KIRREL3: variants seen among roughly 807,000 people sequenced by gnomAD.
KIRREL3 encodes kirre like nephrin family adhesion molecule 3, also known as kin of IRRE-like protein 3.
A neutral mutation model predicts 89.7 loss-of-function variants in KIRREL3; 36 were observed. The ratio of observed to expected loss-of-function variants is 0.40; its 90% CI spans 0.31 to 0.53. The LOEUF is 0.53. Among genes scored for constraint, KIRREL3 ranks in the 20% least tolerant of loss-of-function variants. KIRREL3 has a pLI of 0.49. For missense variants in KIRREL3, 864 were observed against 1,056.6 expected, an observed-to-expected ratio of 0.82 and a Z score of 2.53; for synonymous variants, 445 against 441.4, an observed-to-expected ratio of 1.01 and a Z score of -0.10.
At chr11:126,941,250 TA>T (rs1262763996) in intron 1 of KIRREL3, among the ~76,000 whole-genome samples, 1 of 150,298 alleles carries the variant, frequency 6.7e-6, no homozygotes, top group Non-Finnish European at 1.5e-5. Flanking sequence ...GCAGTTATAG[TA>T]AAAACAAACA....
Position 126,797,565 on chromosome 11 carries a change from T to A in KIRREL3, c.55+202890A>T, listed in dbSNP as rs1950853353. 6.6e-6 allele frequency among the ~76,000 whole-genome samples: 1 copy of A among 152,112 alleles called. No homozygotes were observed. Among genetic ancestry groups the A allele is most frequent in the Non-Finnish European group, 1.5e-5 (1 of 68,026 alleles). ...GGGGCACTAGAGTTTTATTAGTGGC[T>A]TACCATGGCACTTAGTCCCAATCTA... On this transcript the variant is annotated intron_variant, in intron 1 of 16. Coordinates refer to ENST00000525144, the MANE Select transcript of KIRREL3 (RefSeq NM_032531.4). This position sits in a 1 kb window ranked among gnomAD's most constrained non-coding sequence, Gnocchi z 4.9.
In KIRREL3 at chr11:126,891,170, G is replaced by A. The variant is rs1012324101; in HGVS notation, c.55+109285C>T. 1.6e-4 allele frequency among the ~76,000 whole-genome samples: 24 copies of A among 152,108 alleles called. No homozygotes were observed. The highest frequency in any genetic ancestry group is 5.8e-4 in the African/African-American group (24 of 41,406). ...GTTTGAAGTGTACATAAGCCACAGT[G>A]GAAACATCTGAGAAGCGTCCCAAGA... On this transcript the variant is annotated intron_variant, in intron 1 of 16. Transcript: ENST00000525144. The surrounding 1 kb of genome is among the most constrained non-coding windows in gnomAD (Gnocchi z 5.1).
intron 1 of KIRREL3, among the ~76,000 whole-genome samples, chr11:126,762,775 C>T (rs1565710807): frequency 6.6e-6 from 1 of 152,170 alleles, no homozygotes; most frequent in Non-Finnish European, 1.5e-5. Flanking sequence ...TGGAGATCTT[C>T]AGTGGAATAC....
At chr11:126,502,036 T>A (rs181135888) in intron 4 of KIRREL3, among the ~76,000 whole-genome samples, 1 of 151,872 alleles carries the variant, frequency 6.6e-6, no homozygotes, top group South Asian at 2.1e-4. Context: ...AAATCAGAAT[T>A]TTTTTTTAAT....
rs1000903638 is a variant in KIRREL3 at position 126,876,579 on chromosome 11, C to T, written c.55+123876G>A. Reference sequence around the variant, plus strand: ...TTGAGATGGAGTCTTGCTCTGTCACCCAGGCTGGAGTGCAGCGGTGCGACC... The same window carrying T: ...TTGAGATGGAGTCTTGCTCTGTCACTCAGGCTGGAGTGCAGCGGTGCGACC... On this transcript the variant is annotated intron_variant, in intron 1 of 16. Transcript: ENST00000525144. The surrounding 1 kb of genome is among the most constrained non-coding windows in gnomAD (Gnocchi z 4.1). Among the ~76,000 whole-genome samples, 8 of 151,464 alleles carry T rather than the reference C, an allele frequency of 5.3e-5. No individual in the cohort carries two copies. The highest frequency in any genetic ancestry group is 1.2e-4 in the Non-Finnish European group (8 of 67,906).
intron 6 of KIRREL3, among the ~76,000 whole-genome samples, chr11:126,457,356 T>TC (rs1956397269): frequency 3.2e-5 from 3 of 94,380 alleles, no homozygotes; most frequent in Non-Finnish European, 6.5e-5. Flanking sequence ...TGTATGTATG[T>TC]CTCTGTGTGT....
rs1365199676 is a variant in KIRREL3 at position 126,492,005 on chromosome 11, T to C, written c.434-18539A>G. Among the ~76,000 whole-genome samples, 1 of 152,062 alleles carries C rather than the reference T, an allele frequency of 6.6e-6. No individual in the cohort carries two copies. The highest frequency in any genetic ancestry group is 2.4e-5 in the African/African-American group (1 of 41,392). On this transcript the variant is annotated intron_variant, in intron 4 of 16. Coordinates refer to ENST00000525144, the MANE Select transcript of KIRREL3 (RefSeq NM_032531.4). This position sits in a 1 kb window ranked among gnomAD's most constrained non-coding sequence, Gnocchi z 4.8. ...GTGTGAGCCACCACGCCTGGGAGAT[T>C]TGGAGTATTGATAGAGGGATTTCAG... is the stretch of plus-strand genomic sequence containing the variant.
At chr11:126,425,566 T>G in intron 16 of KIRREL3, 72 bp downstream of exon 16, 2 of 1,269,590 alleles carry the variant, frequency 1.6e-6, no homozygotes, top group Non-Finnish European at 2.2e-6. Context: ...GTTGTATAGA[T>G]TTGGGGTTTG....
rs1035000068 is a variant in KIRREL3 at position 126,867,235 on chromosome 11, A to G, written c.55+133220T>C. 3.3e-5 allele frequency among the ~76,000 whole-genome samples: 5 copies of G among 152,148 alleles called. No homozygotes were observed. The highest frequency in any genetic ancestry group is 7.4e-5 in the Non-Finnish European group (5 of 68,020). ...ATGCAGCGAGCCACACTCCTATCAC[A>G]CAGCCTGCCATGGGGATAAAGGAAA... On this transcript the variant is annotated intron_variant, in intron 1 of 16. Transcript: ENST00000525144. This position sits in a 1 kb window ranked among gnomAD's most constrained non-coding sequence, Gnocchi z 4.7.
rs1945305002 is a variant in KIRREL3 at position 126,876,787 on chromosome 11, A to C, written c.55+123668T>G. On this transcript the variant is annotated intron_variant, in intron 1 of 16. Coordinates refer to ENST00000525144, the MANE Select transcript of KIRREL3 (RefSeq NM_032531.4). The surrounding 1 kb of genome is among the most constrained non-coding windows in gnomAD (Gnocchi z 4.1). Reference sequence around the variant, plus strand: ...ACTCATGACCTGATCTGCCCGCCTCAGCCTCCCGAAGTGCTAGGATTACAG... The same window carrying C: ...ACTCATGACCTGATCTGCCCGCCTCCGCCTCCCGAAGTGCTAGGATTACAG... Among the ~76,000 whole-genome samples, 1 of 152,148 alleles carries C rather than the reference A, an allele frequency of 6.6e-6. No homozygotes were observed. The highest frequency in any genetic ancestry group is 1.5e-5 in the Non-Finnish European group (1 of 68,020).
intron 1 of KIRREL3, among the ~76,000 whole-genome samples, chr11:126,899,603 G>C (rs1307189330): frequency 2.0e-5 from 3 of 152,180 alleles, no homozygotes; most frequent in African/African-American, 2.4e-5. Context: ...CCTTTGAAAG[G>C]CTATTCCATT....
intron 1 of KIRREL3, among the ~76,000 whole-genome samples, chr11:126,926,695 T>A (rs988404660): frequency 6.6e-6 from 1 of 152,172 alleles, no homozygotes; most frequent in East Asian, 1.9e-4. Flanking sequence ...CTATGAGCAT[T>A]TCCCCCCTGC....
At chr11:126,836,068 C>G (rs1943770555) in intron 1 of KIRREL3, among the ~76,000 whole-genome samples, 1 of 152,232 alleles carries the variant, frequency 6.6e-6, no homozygotes, top group South Asian at 2.1e-4. Flanking sequence ...GCTCTGCATT[C>G]TGTACTTCTC....
chr11:126,826,295 G>A (rs1331195618), intron 1 of KIRREL3, among the ~76,000 whole-genome samples: 2 of 152,014 alleles, frequency 1.3e-5, no homozygotes. Context: ...TTAGATGCTC[G>A]GTAACTGCTT....
intron 1 of KIRREL3, among the ~76,000 whole-genome samples, chr11:126,973,068 A>G (rs1447417809): frequency 6.7e-6 from 1 of 148,154 alleles, no homozygotes; most frequent in East Asian, 2.0e-4. Context: ...TTTAGCAGAC[A>G]ACTTATTCCA....
At chr11:126,494,974 C>T (rs1216634010) in intron 4 of KIRREL3, among the ~76,000 whole-genome samples, 4 of 152,206 alleles carry the variant, frequency 2.6e-5, no homozygotes, top group African/African-American at 4.8e-5. Flanking sequence ...GGTGAGCAGA[C>T]GCTCCTGTAG....
chr11:126,794,962 C>T (rs971452946), intron 1 of KIRREL3, among the ~76,000 whole-genome samples: 1 of 152,184 alleles, frequency 6.6e-6, no homozygotes, highest in Admixed American at 6.5e-5. Context: ...AACTTAAATG[C>T]ACATTGCTAA....
intron 1 of KIRREL3, among the ~76,000 whole-genome samples, chr11:126,583,349 T>C (rs916542350): frequency 1.3e-5 from 2 of 152,184 alleles, no homozygotes; most frequent in South Asian, 2.1e-4. Context: ...AATCTCCAGT[T>C]CTGCCAAACA....
chr11:126,864,242 T>G (rs888222081), intron 1 of KIRREL3, among the ~76,000 whole-genome samples: 7 of 152,104 alleles, frequency 4.6e-5, no homozygotes, highest in African/African-American at 1.7e-4. Flanking sequence ...GAACTTGGAG[T>G]GCCAAAGTTC....
Sources: gnomAD v4.1 joint callset for allele counts (sites outside exome capture counted in the v4.1 genomes callset) on GRCh38, gnomAD v4.1.1 for gene constraint, Gnocchi (gnomAD v3.1) non-coding constraint, MANE v1.5 for transcripts, NCBI Gene and HGNC (gene_info 2026-07-23, HGNC 2026-07-21) for gene names.